The following LPIN1 variants were observed in gnomAD, a reference collection of about 807,000 sequenced individuals.
LPIN1 encodes phosphatidate phosphatase LPIN1.
A neutral mutation model predicts 107.5 loss-of-function variants in LPIN1; 71 were observed. That is an observed-to-expected ratio of 0.66 (90% confidence interval 0.55 to 0.80). The LOEUF is 0.80. LPIN1 is among the 30% of genes least tolerant of loss of function. The pLI is 0.00. For synonymous variants in LPIN1, 445 were observed against 452.6 expected, an observed-to-expected ratio of 0.98 and a Z score of 0.21; for missense variants, 1,043 against 1,160.6, an observed-to-expected ratio of 0.90 and a Z score of 1.47.
upstream of LPIN1, among the ~76,000 whole-genome samples, chr2:11,719,932 G>T (rs1309779341): frequency 2.6e-5 from 4 of 151,794 alleles, no homozygotes; most frequent in East Asian, 5.8e-4. Flanking sequence ...ATTCTGAGTT[G>T]TGAATAGAAA....
chr2:11,731,343 TG>T (rs1665195502), intron 1 of LPIN1, among the ~76,000 whole-genome samples: 1 of 151,836 alleles, frequency 6.6e-6, no homozygotes, highest in African/African-American at 2.4e-5. Flanking sequence ...TCTGTTCCCG[TG>T]TTAGTTTGCT....
intron 1 of LPIN1, among the ~76,000 whole-genome samples, chr2:11,749,018 G>A (rs529791539): frequency 3.9e-5 from 6 of 152,168 alleles, no homozygotes; most frequent in Admixed American, 1.3e-4. Flanking sequence ...CCCACTAGCA[G>A]CTTTGGGGCT....
chr2:11,781,942 AG>A (rs1402032731), intron 7 of LPIN1, among the ~76,000 whole-genome samples: 4 of 152,250 alleles, frequency 2.6e-5, no homozygotes, highest in Non-Finnish European at 4.4e-5. Flanking sequence ...AACAGCATTT[AG>A]GGTGCTCCTG....
intron 4 of LPIN1, among the ~76,000 whole-genome samples, 172 bp from the exon 5 acceptor site, chr2:11,773,448 A>G (rs1384029496): frequency 2.6e-5 from 4 of 152,202 alleles, no homozygotes; most frequent in Non-Finnish European, 5.9e-5. Context: ...AGACACGTTT[A>G]TGGATGCCGG....
intron 1 of LPIN1, among the ~76,000 whole-genome samples, chr2:11,685,480 G>A (rs1472073632): frequency 3.9e-5 from 6 of 152,362 alleles, no homozygotes; most frequent in African/African-American, 1.4e-4. Context: ...GGTGGTAGCA[G>A]AGAAGGGTTT....
Position 11,771,503 on chromosome 2 carries a change from C to A in LPIN1, c.420C>A (p.Ile140=), listed in dbSNP as rs75945731. 1.2e-6 allele frequency: 2 copies of A among 1,614,096 alleles called. No individual in the cohort carries two copies. The highest frequency in any genetic ancestry group is 1.1e-5 in the South Asian group (1 of 91,074). ...ACCCCAGCACGCCAGCCCAAGTGAT[C>A]GCTCCCAGCGAGACGCCGTCAAGCA... ...GLDPSTPAQV[I]APSETPSSSS... Residue 140 remains isoleucine, a synonymous_variant, in exon 4 of 21, where the codon ATC becomes ATA. Transcript: ENST00000674199. This position sits in a 1 kb window ranked among gnomAD's most constrained non-coding sequence, Gnocchi z 4.8.
chr2:11,705,398 G>A (rs1163322055), intron 1 of LPIN1, among the ~76,000 whole-genome samples: 3 of 152,244 alleles, frequency 2.0e-5, no homozygotes, highest in Non-Finnish European at 4.4e-5. Flanking sequence ...CCTTTTGAAG[G>A]ATGCTGTCAT....
chr2:11,770,680 A>G (rs770833429), intron 3 of LPIN1, among the ~76,000 whole-genome samples: 131 of 152,246 alleles, frequency 8.6e-4, no homozygotes, highest in Non-Finnish European at 1.7e-3. Context: ...CTCATACAAA[A>G]TGAGGCATTC....
intron 1 of LPIN1, 73 bp downstream of exon 1, chr2:11,746,744 C>A: frequency 1.2e-6 from 1 of 829,908 alleles, no homozygotes; most frequent in Non-Finnish European, 1.5e-6. Context: ...GGGCGGGGCG[C>A]GGCGCCGGGG....
At position 11,804,567 on chromosome 2, in the gene LPIN1, A is replaced by G; in HGVS notation, c.2158A>G (p.Thr720Ala). 6.2e-7 allele frequency: 1 copy of G among 1,614,156 alleles called. No homozygotes were observed. Among genetic ancestry groups the G allele is most frequent in the Non-Finnish European group, 8.5e-7 (1 of 1,180,030 alleles). Residue 720 changes from threonine (T) to alanine (A), a missense_variant, in exon 16 of 21, where the codon ACC becomes GCC. Coordinates refer to ENST00000674199, the MANE Select transcript of LPIN1 (RefSeq NM_001349206.2). ...VIISDIDGTITRSDTLGHILP... is the reference protein window; with the variant it reads ...VIISDIDGTIARSDTLGHILP... ...CATTTCTGATATTGATGGGACAATT[A>G]CCAGGTAGGTCCTGCTGACTTGGGG...
chr2:11,785,546 C>T (rs1674410844), intron 10 of LPIN1, among the ~76,000 whole-genome samples: 1 of 152,196 alleles, frequency 6.6e-6, no homozygotes, highest in Non-Finnish European at 1.5e-5. Context: ...AATGCACTCC[C>T]AGGGCCTCCT....
Position 11,804,521 on chromosome 2 carries a change from G to C in LPIN1, c.2112G>C (p.Trp704Cys). ...TCRCEGTIYL[W>C]NWDDKVIISD... ...GCTGTGAGGGCACCATCTATCTGTGGAACTGGGATGATAAAGTCATCATTT... is the reference window on the plus strand; with the variant it reads ...GCTGTGAGGGCACCATCTATCTGTGCAACTGGGATGATAAAGTCATCATTT... Residue 704 changes from tryptophan (W) to cysteine (C), a missense_variant, in exon 16 of 21, where the codon TGG (tryptophan) becomes TGC (cysteine). Trp to Cys is a radical substitution (Grantham distance 215). Transcript: ENST00000674199. 2.5e-6 allele frequency: 4 copies of C among 1,614,212 alleles called. No individual in the cohort carries two copies. The highest frequency in any genetic ancestry group is 3.4e-6 in the Non-Finnish European group (4 of 1,180,036).
At chr2:11,698,181 C>T (rs1227209949) in intron 1 of LPIN1, among the ~76,000 whole-genome samples, 2 of 152,204 alleles carry the variant, frequency 1.3e-5, no homozygotes, top group South Asian at 2.1e-4. Flanking sequence ...GACGTCATGG[C>T]AAGCCCTGAC....
intron 1 of LPIN1, among the ~76,000 whole-genome samples, chr2:11,694,946 C>A (rs1337715757): frequency 6.6e-6 from 1 of 152,178 alleles, no homozygotes; most frequent in Non-Finnish European, 1.5e-5. Flanking sequence ...ATCCATGAAT[C>A]TCGATGATCA....
At chr2:11,700,104 G>A (rs536295183) in intron 1 of LPIN1, among the ~76,000 whole-genome samples, 1 of 152,274 alleles carries the variant, frequency 6.6e-6, no homozygotes, top group East Asian at 1.9e-4. Context: ...TGGTGCACAG[G>A]GTGAAGTCCC....
At chr2:11,779,250 C>G (rs1673151042) in intron 6 of LPIN1, among the ~76,000 whole-genome samples, 1 of 152,134 alleles carries the variant, frequency 6.6e-6, no homozygotes, top group African/African-American at 2.4e-5. Context: ...CCATCTCTTT[C>G]TTTTGTATTC....
At chr2:11,782,065 A>G in intron 7 of LPIN1, 136 bp from the exon 8 acceptor site, 1 of 720,938 alleles carries the variant, frequency 1.4e-6, no homozygotes, top group Non-Finnish European at 2.5e-6. Context: ...AGGTATAGAA[A>G]TCACCAGGTG....
chr2:11,767,939 G>T, intron 3 of LPIN1, 81 bp downstream of exon 3: 2 of 921,018 alleles, frequency 2.2e-6, no homozygotes, highest in Non-Finnish European at 3.6e-6. Flanking sequence ...GCAGAAGTTT[G>T]TGCAAAGTAA....
rs946253390 is a variant in LPIN1 at position 11,765,151 on chromosome 2, C to T, written c.-9-382C>T. On this transcript the variant is annotated intron_variant, in intron 1 of 20. Coordinates refer to ENST00000674199, the MANE Select transcript of LPIN1 (RefSeq NM_001349206.2). This position sits in a 1 kb window ranked among gnomAD's most constrained non-coding sequence, Gnocchi z 4.4. ...TGGGCCGTAATGGGCCATGATGGAC[C>T]GTGATGGGCCGTAACGGGCCGTGAT... Among the ~76,000 whole-genome samples, 3 of 151,390 alleles carry T rather than the reference C, an allele frequency of 2.0e-5. No homozygotes were observed. Among genetic ancestry groups the T allele is most frequent in the East Asian group, 3.9e-4 (2 of 5,124 alleles).
Sources: gnomAD v4.1 joint callset for allele counts (sites outside exome capture counted in the v4.1 genomes callset) on GRCh38, gnomAD v4.1.1 for gene constraint, Gnocchi (gnomAD v3.1) non-coding constraint, MANE v1.5 for transcripts, NCBI Gene and HGNC (gene_info 2026-07-23, HGNC 2026-07-21) for gene names.